Variants in C12orf76 observed in about 807,000 individuals in gnomAD.
C12orf76 encodes the protein chromosome 12 open reading frame 76, also known as uncharacterized protein C12orf76.
C12orf76 carries 6 observed loss-of-function variants against 6.8 expected under a neutral mutation model. That is an observed-to-expected ratio of 0.88 (90% CI 0.48 to 1.73). The LOEUF is 1.73. Ranked by LOEUF, C12orf76 falls within the 40% of genes most tolerant of loss-of-function variation. The probability of loss-of-function intolerance (pLI) is 0.01; values close to 1 mark genes in which losing one functional copy is unlikely to be tolerated. For missense variants in C12orf76, 99 were observed against 98.2 expected (o/e 1.01, Z -0.03); for synonymous variants, 56 against 43.7 (o/e 1.28, Z -1.11).
intron 2 of C12orf76, among the ~76,000 whole-genome samples, chr12:110,060,729 T>C (rs757648451): frequency 3.9e-5 from 6 of 152,180 alleles, no homozygotes; most frequent in African/African-American, 4.8e-5. Flanking sequence ...ATCTATATGC[T>C]GGTGATATAG....
rs558429773 is a variant in C12orf76, at chr12:110,054,305, A to G, written n.664+2884T>C. On this transcript the variant is annotated intron_variant and non_coding_transcript_variant, in intron 4 of 4. Coordinates refer to the C12orf76 transcript ENST00000309050. This position sits in a 1 kb window ranked among gnomAD's most constrained non-coding sequence, Gnocchi z 4.4. ...ATTCACATAACCCAAATGTTCATCT[A>G]TGGATGAATGGATAGGCAAAATGTG... Among the ~76,000 whole-genome samples the G allele has an allele frequency of 6.6e-6, 1 of 152,208 alleles. No homozygotes were observed. Among genetic ancestry groups the G allele is most frequent in the African/African-American group, 2.4e-5 (1 of 41,460 alleles).
exon 2 of C12orf76, chr12:110,066,022 C>T (rs966166119): frequency 3.8e-6 from 6 of 1,592,652 alleles, no homozygotes; most frequent in Non-Finnish European, 5.1e-6. Flanking sequence ...CCCCCTCAAG[C>T]TCTCACATCA....
intron 2 of C12orf76, among the ~76,000 whole-genome samples, chr12:110,062,505 A>T (rs1033583744): frequency 6.6e-6 from 1 of 152,124 alleles, no homozygotes; most frequent in Non-Finnish European, 1.5e-5. Context: ...GATCACGGTA[A>T]TGGTTGAACA....
At chr12:110,048,267 C>A in intron 1 of C12orf76, 96 bp downstream of exon 1, 1 of 1,373,674 alleles carries the variant, frequency 7.3e-7, no homozygotes, top group Non-Finnish European at 9.4e-7. Context: ...TCTCCCCACT[C>A]TATCCCCTGT....
upstream of C12orf76, among the ~76,000 whole-genome samples, chr12:110,071,354 G>A (rs775562994): frequency 6.6e-6 from 1 of 152,118 alleles, no homozygotes; most frequent in Non-Finnish European, 1.5e-5. Flanking sequence ...TGGTTACTCT[G>A]AGGGTCAAAG....
chr12:110,070,936 A>C (rs1892954660), upstream of C12orf76, among the ~76,000 whole-genome samples: 1 of 152,006 alleles, frequency 6.6e-6, no homozygotes, highest in African/African-American at 2.4e-5. Flanking sequence ...TACCCCGCCC[A>C]ACTAGCTTTT....
intron 3 of C12orf76, chr12:110,058,867 A>G (rs1892721432): frequency 1.7e-6 from 2 of 1,173,522 alleles, no homozygotes; most frequent in Non-Finnish European, 2.3e-6. Context: ...TGTCCTTACC[A>G]TGTGCCAACC....
At chr12:110,062,213 A>C (rs1892782825) in intron 2 of C12orf76, among the ~76,000 whole-genome samples, 1 of 152,284 alleles carries the variant, frequency 6.6e-6, no homozygotes. Context: ...GCAGTGAGCC[A>C]AGATCGTGCC....
exon 4 of C12orf76, chr12:110,057,189 C>T: frequency 6.2e-7 from 1 of 1,607,650 alleles, no homozygotes; most frequent in Non-Finnish European, 8.5e-7. Flanking sequence ...GCAGACTTAC[C>T]TTGGCATTGC....
intron 1 of C12orf76, among the ~76,000 whole-genome samples, chr12:110,047,469 G>GC: frequency 6.6e-6 from 1 of 152,192 alleles, no homozygotes; most frequent in Middle Eastern, 3.4e-3. Flanking sequence ...CAGGAGGATT[G>GC]CTTGAGCCCA....
intron 1 of C12orf76, among the ~76,000 whole-genome samples, chr12:110,044,987 AG>A (rs1459895531): frequency 6.6e-6 from 1 of 152,026 alleles, no homozygotes; most frequent in Non-Finnish European, 1.5e-5. Flanking sequence ...ATAAAAAAAA[AG>A]AAAAGAAAAG....
At chr12:110,047,540 T>C (rs1892481810) in intron 1 of C12orf76, among the ~76,000 whole-genome samples, 2 of 151,942 alleles carry the variant, frequency 1.3e-5, no homozygotes, top group Non-Finnish European at 2.9e-5. Flanking sequence ...ATGAGCCAGG[T>C]GTGGTGGTGC....
At chr12:110,070,598 T>C (rs994366843), upstream of C12orf76, among the ~76,000 whole-genome samples, 2 of 152,074 alleles carry the variant, frequency 1.3e-5, no homozygotes, top group South Asian at 4.2e-4. Context: ...AAGAAAGAAA[T>C]TGTATGCTGG....
upstream of C12orf76, among the ~76,000 whole-genome samples, chr12:110,068,319 GA>G (rs1566080279): frequency 1.5e-4 from 21 of 142,282 alleles, no homozygotes; most frequent in East Asian, 6.0e-4. Context: ...AGAAGAAGAA[GA>G]AGAAGAAGAA....
upstream of C12orf76, among the ~76,000 whole-genome samples, chr12:110,053,377 T>C (rs1345030131): frequency 6.6e-6 from 1 of 151,380 alleles, no homozygotes; most frequent in Non-Finnish European, 1.5e-5. Flanking sequence ...TGTGCACCTA[T>C]AATCCCAGCT....
chr12:110,070,931 C>T (rs532610031), upstream of C12orf76, among the ~76,000 whole-genome samples: 39 of 152,246 alleles, frequency 2.6e-4, no homozygotes, highest in Admixed American at 5.2e-4. Flanking sequence ...CACACTACCC[C>T]GCCCAACTAG....
At chr12:110,053,447 C>T (rs537381808), upstream of C12orf76, among the ~76,000 whole-genome samples, 8 of 152,058 alleles carry the variant, frequency 5.3e-5, no homozygotes, top group African/African-American at 1.4e-4. Flanking sequence ...TGCAGTGAAC[C>T]GAGATTGCAC....
At chr12:110,058,449 A>G (rs1892712298) in intron 3 of C12orf76, among the ~76,000 whole-genome samples, 1 of 152,188 alleles carries the variant, frequency 6.6e-6, no homozygotes, top group Non-Finnish European at 1.5e-5. Flanking sequence ...AGATCACTTG[A>G]GGCCAGGAGT....
Position 110,042,500 on chromosome 12 carries a change from G to C in C12orf76, c.134-41C>G, listed in dbSNP as rs555793317. 2.2e-6 allele frequency: 3 copies of C among 1,355,206 alleles called. No homozygotes were observed. In the African/African-American group the frequency reaches 4.3e-5, roughly 19 times the overall value. 83.9% of individuals were successfully genotyped at this position (1,355,206 alleles called of 1,614,324 possible). On this transcript the variant is annotated intron_variant, in intron 1 of 1. Coordinates refer to ENST00000615315, the MANE Select transcript of C12orf76 (RefSeq NM_001389625.1). ...AGGTTACTTCCTAATGGCAGCTCCA[G>C]GTTAGGCAATTCATCCACTCACTGC...
Sources: gnomAD v4.1 joint callset for allele counts (sites outside exome capture counted in the v4.1 genomes callset) on GRCh38, gnomAD v4.1.1 for gene constraint, Gnocchi (gnomAD v3.1) non-coding constraint, MANE v1.5 for transcripts, NCBI Gene and HGNC (gene_info 2026-07-23, HGNC 2026-07-21) for gene names.